The following ZNF76 variants were observed in gnomAD, a reference collection of about 807,000 sequenced individuals.
ZNF76 encodes the protein zinc finger protein 523.
Under a neutral mutation model 66.9 loss-of-function variants are expected in ZNF76, and 66 were observed. The observed-to-expected ratio is 0.99, with a 90% CI of 0.81 to 1.21. The LOEUF is 1.21. Among genes scored for constraint, ZNF76 ranks in the 50% most tolerant of loss-of-function variants. ZNF76 has a pLI of 0.00. For missense variants in ZNF76, 729 were observed against 760.3 expected, an observed-to-expected ratio of 0.96 and a Z score of 0.48; for synonymous variants, 275 against 296.1, an observed-to-expected ratio of 0.93 and a Z score of 0.73.
chr6:35,265,977 G>GA (rs1785990222), intron 1 of ZNF76, among the ~76,000 whole-genome samples: 1 of 152,074 alleles, frequency 6.6e-6, no homozygotes, highest in Admixed American at 6.6e-5. Context: ...TGGAAGGAGA[G>GA]AAACTGGTTA....
In ZNF76 at chr6:35,287,835, A is replaced by G. The variant is rs1290069788; in HGVS notation, c.422A>G (p.Tyr141Cys). Reference protein sequence around the residue: ...SADAVVALEQYASKVLHDSQI... With the variant: ...SADAVVALEQCASKVLHDSQI... The stretch of plus-strand genomic sequence containing the variant: ...GACGCAGTGGTGGCCCTGGAGCAGT[A>G]TGCCAGCAAGGTGAGCACGCACAGC... Residue 141 changes from tyrosine (Y) to cysteine (C), a missense_variant, in exon 5 of 14, where the codon TAT (tyrosine) becomes TGT (cysteine). Physicochemically the swap from Tyr to Cys is radical, Grantham distance 194. Transcript: ENST00000373953. This position sits in a 1 kb window ranked among gnomAD's most constrained non-coding sequence, Gnocchi z 4.0. 6.3e-7 allele frequency: 1 copy of G among 1,596,226 alleles called. No individual in the cohort carries two copies. The highest frequency in any genetic ancestry group is 8.5e-7 in the Non-Finnish European group (1 of 1,171,620).
intron 2 of ZNF76, 137 bp downstream of exon 2, chr6:35,281,361 T>A: frequency 1.4e-6 from 1 of 739,930 alleles, no homozygotes; most frequent in Non-Finnish European, 2.3e-6. Context: ...TGCTCTGCAT[T>A]AGAATCTCCT....
chr6:35,264,640 C>G (rs905419186), intron 1 of ZNF76, among the ~76,000 whole-genome samples: 6 of 152,082 alleles, frequency 3.9e-5, no homozygotes, highest in African/African-American at 1.4e-4. Flanking sequence ...AGCACTGTTC[C>G]TTGGAAAACA....
chr6:35,277,834 A>G (rs1200306705), intron 1 of ZNF76, among the ~76,000 whole-genome samples: 1 of 152,162 alleles, frequency 6.6e-6, no homozygotes, highest in Non-Finnish European at 1.5e-5. Context: ...AGCGTGTCGC[A>G]GTTGGTCTAT....
rs555007857 is a variant in ZNF76, at chr6:35,262,073, A to G, written c.-97+2232A>G. Among the ~76,000 whole-genome samples the G allele has an allele frequency of 3.3e-5, 5 of 152,324 alleles. No homozygotes were observed. The East Asian group carries it at 5.8e-4, about 18-fold the overall frequency. ...GACCTAAAGAAATGATTAAACTTGT[A>G]TATTTTTATACTAGATCTGATGAAG... On this transcript the variant is annotated intron_variant, in intron 1 of 13. Transcript: ENST00000373953.
chr6:35,265,517 AAAAAAG>A (rs1244276374), intron 1 of ZNF76, among the ~76,000 whole-genome samples: 4 of 148,722 alleles, frequency 2.7e-5, no homozygotes, highest in African/African-American at 7.8e-5. Context: ...AAAAAAAAAA[AAAAAAG>A]AAGAAGAAGA....
At chr6:35,271,878 C>T (rs1318316157) in intron 1 of ZNF76, among the ~76,000 whole-genome samples, 3 of 151,872 alleles carry the variant, frequency 2.0e-5, no homozygotes, top group Admixed American at 1.3e-4. Flanking sequence ...TCACTTGATC[C>T]TGGGAGATCA....
chr6:35,294,591 AAG>A lies in ZNF76; in HGVS notation c.1608+23_1608+24del, dbSNP rs987774196. ...GCAGGTGAGTAGAGATCTGGGAGGAAAGGGGATCCCACGGCCAGAGAAGTCAA... is the reference window on the plus strand; with the variant it reads ...GCAGGTGAGTAGAGATCTGGGAGGAAGGGATCCCACGGCCAGAGAAGTCAA... On this transcript the variant is annotated intron_variant, in intron 13 of 13. Transcript: ENST00000373953. 9 of 1,525,944 alleles carry A rather than the reference AAG, an allele frequency of 5.9e-6. No individual in the cohort carries two copies. In the Admixed American group the frequency reaches 8.3e-5, roughly 14 times the overall value. The allele number at this position is 1,525,944 out of a possible 1,614,324, so 94.5% of individuals were successfully genotyped here.
At chr6:35,276,861 A>G (rs1303960200) in intron 1 of ZNF76, among the ~76,000 whole-genome samples, 1 of 139,828 alleles carries the variant, frequency 7.2e-6, no homozygotes, top group African/African-American at 2.7e-5. Context: ...CAGTGATGCA[A>G]TTTTGGCTCA....
chr6:35,284,122 C>T (rs1051323595), intron 2 of ZNF76, among the ~76,000 whole-genome samples: 10 of 151,920 alleles, frequency 6.6e-5, no homozygotes, highest in Admixed American at 4.6e-4. Context: ...GACGGAGTCT[C>T]ACCCTGTAGC....
chr6:35,281,892 C>T lies in ZNF76; in HGVS notation c.73+668C>T, dbSNP rs1296796274. On this transcript the variant is annotated intron_variant, in intron 2 of 13. Coordinates refer to ENST00000373953, the MANE Select transcript of ZNF76 (RefSeq NM_003427.5). Reference sequence around the variant, plus strand: ...TTGAGGGTTCAGTGAACTATCACTGCACCACTGCACACCAGCCTGGGTGAC... The same window carrying T: ...TTGAGGGTTCAGTGAACTATCACTGTACCACTGCACACCAGCCTGGGTGAC... Among the ~76,000 whole-genome samples, 11 of 150,546 alleles carry T rather than the reference C, an allele frequency of 7.3e-5. No individual in the cohort carries two copies. The East Asian group carries it at 2.0e-3, about 27-fold the overall frequency.
At chr6:35,294,435 A>C in intron 12 of ZNF76, 21 bp from the exon 13 acceptor site, 1 of 1,544,368 alleles carries the variant, frequency 6.5e-7, no homozygotes, top group Non-Finnish European at 9.0e-7. Flanking sequence ...GTGGAATGGA[A>C]GACCTCCTTT....
intron 1 of ZNF76, among the ~76,000 whole-genome samples, chr6:35,276,629 T>G (rs1213623513): frequency 6.6e-6 from 1 of 152,184 alleles, no homozygotes; most frequent in African/African-American, 2.4e-5. Flanking sequence ...CTGATTTTCC[T>G]TAGAAAGTCC....
rs747650641 is a variant in ZNF76, at chr6:35,286,198, G to A, written c.144G>A (p.Thr48=). ...CCACCGCATACATTCACCAGGTGACGGTACAGAAAGGTGAGGGCACCCCAA... is the reference window on the plus strand; with the variant it reads ...CCACCGCATACATTCACCAGGTGACAGTACAGAAAGGTGAGGGCACCCCAA... ...DGTTAYIHQV[T]VQKEALSFED... The change falls in exon 3 of 14, where the codon ACG becomes ACA. Residue 48 remains threonine (T), a synonymous_variant. Coordinates refer to ENST00000373953, the MANE Select transcript of ZNF76 (RefSeq NM_003427.5). 10 of 1,614,034 alleles carry A rather than the reference G, an allele frequency of 6.2e-6. No individual in the cohort carries two copies. The highest frequency in any genetic ancestry group is 2.2e-5 in the South Asian group (2 of 91,084).
chr6:35,271,230 G>A (rs1007922244), intron 1 of ZNF76, among the ~76,000 whole-genome samples: 1 of 152,142 alleles, frequency 6.6e-6, no homozygotes, highest in Non-Finnish European at 1.5e-5. Flanking sequence ...GAAATTGCTG[G>A]GTCAGATAAT....
At chr6:35,294,272 C>G (rs956333027) in intron 12 of ZNF76, 184 bp from the exon 13 acceptor site, 4 of 598,628 alleles carry the variant, frequency 6.7e-6, no homozygotes, top group Non-Finnish European at 8.9e-6. Context: ...AAATTGGGCT[C>G]TAAGTTGGGA....
chr6:35,270,257 C>T (rs1052926703), intron 1 of ZNF76, among the ~76,000 whole-genome samples: 1 of 152,168 alleles, frequency 6.6e-6, no homozygotes, highest in African/African-American at 2.4e-5. Context: ...CAGCCTCAGC[C>T]TCCCAAGTAG....
In ZNF76 at chr6:35,293,892, G is replaced by A. The variant is rs759246885; in HGVS notation, c.1471G>A (p.Ala491Thr). 5.6e-6 allele frequency: 9 copies of A among 1,613,966 alleles called. No homozygotes were observed. The Admixed American group carries it at 6.7e-5, about 12-fold the overall frequency. The change falls in exon 12 of 14, where the codon GCC (alanine) becomes ACC (threonine). Residue 491 changes from alanine to threonine, a missense_variant. Transcript: ENST00000373953. ...CACACATACAGTCACCATGGTCAGC[G>A]CCGATGGCACCCAGACGCAGCCCGT... ...SGTHTVTMVSADGTQTQPVTI... is the reference protein window; with the variant it reads ...SGTHTVTMVSTDGTQTQPVTI...
intron 2 of ZNF76, among the ~76,000 whole-genome samples, chr6:35,283,274 C>T (rs1214615161): frequency 6.6e-6 from 1 of 152,194 alleles, no homozygotes; most frequent in African/African-American, 2.4e-5. Flanking sequence ...CAAACACACA[C>T]TCACTCACAA....
Sources: allele counts gnomAD v4.1 joint callset (sites outside exome capture counted in the v4.1 genomes callset), GRCh38; gene constraint gnomAD v4.1.1; non-coding constraint Gnocchi (gnomAD v3.1); transcripts MANE v1.5; gene names NCBI Gene and HGNC (gene_info 2026-07-23, HGNC 2026-07-21).